Variants in NR6A1 observed in about 807,000 individuals in gnomAD.
NR6A1 encodes the protein retinoic acid receptor-related testis-associated receptor.
A neutral mutation model predicts 59.1 loss-of-function variants in NR6A1; 7 were observed. That is an observed-to-expected ratio of 0.12 (90% CI 0.07 to 0.22). NR6A1 has a LOEUF of 0.22. Ranked by LOEUF, NR6A1 falls within the 10% of genes least tolerant of loss-of-function variation. The pLI is 1.00. For synonymous variants in NR6A1, 243 were observed against 236.1 expected (o/e 1.03, Z -0.27); for missense variants, 468 against 611.6 (o/e 0.77, Z 2.48).
chr9:124,657,439 ATGAT>A (rs1837292690), intron 2 of NR6A1, among the ~76,000 whole-genome samples: 1 of 152,232 alleles, frequency 6.6e-6, no homozygotes, highest in Non-Finnish European at 1.5e-5. Context: ...ACGGAAAAAA[ATGAT>A]TGGTCCATGT....
chr9:124,723,554 T>TA (rs1839625352), intron 2 of NR6A1, among the ~76,000 whole-genome samples: 2 of 152,226 alleles, frequency 1.3e-5, no homozygotes, highest in South Asian at 4.1e-4. Flanking sequence ...AGCAGTAACT[T>TA]ACACCTGCCA....
chr9:124,632,060 G>C (rs771461733), intron 2 of NR6A1, among the ~76,000 whole-genome samples: 1 of 152,076 alleles, frequency 6.6e-6, no homozygotes, highest in African/African-American at 2.4e-5. Flanking sequence ...TCTTTACCTA[G>C]CCTATCATTG....
intron 1 of NR6A1, among the ~76,000 whole-genome samples, chr9:124,754,557 TG>T (rs1389499581): frequency 2.6e-5 from 4 of 151,816 alleles, no homozygotes; most frequent in Non-Finnish European, 5.9e-5. Flanking sequence ...CTGCAGGGCA[TG>T]GGGGAGAAAT....
intron 2 of NR6A1, among the ~76,000 whole-genome samples, chr9:124,661,933 C>T (rs1371840932): frequency 1.3e-5 from 2 of 152,294 alleles, no homozygotes; most frequent in South Asian, 2.1e-4. Context: ...CTGGACAGTG[C>T]TGATCTGGGC....
chr9:124,592,182 A>C (rs1164328479), intron 2 of NR6A1, among the ~76,000 whole-genome samples: 1 of 152,202 alleles, frequency 6.6e-6, no homozygotes, highest in Non-Finnish European at 1.5e-5. Flanking sequence ...AAATGACAAA[A>C]GCAATGGGCC....
intron 2 of NR6A1, among the ~76,000 whole-genome samples, chr9:124,612,996 A>G (rs1300872925): frequency 6.6e-6 from 1 of 152,184 alleles, no homozygotes; most frequent in Non-Finnish European, 1.5e-5. Flanking sequence ...CTTGTGCAGG[A>G]GTGAGAAGAT....
intron 1 of NR6A1, among the ~76,000 whole-genome samples, chr9:124,766,621 T>C (rs149182602): frequency 1.3e-5 from 2 of 152,174 alleles, no homozygotes; most frequent in East Asian, 3.8e-4. Context: ...CTAAAACACA[T>C]CTTCTCAAGT....
chr9:124,690,362 G>A (rs1162473890), intron 2 of NR6A1, among the ~76,000 whole-genome samples: 1 of 152,012 alleles, frequency 6.6e-6, no homozygotes, highest in Non-Finnish European at 1.5e-5. Context: ...GGAGACATGT[G>A]GGTTTCAATA....
intron 3 of NR6A1, among the ~76,000 whole-genome samples, chr9:124,550,423 A>T (rs1318338166): frequency 1.4e-5 from 2 of 143,394 alleles, no homozygotes; most frequent in Admixed American, 7.2e-5. Context: ...GGTGGAGTAC[A>T]ATGGCATGAT....
chr9:124,545,628 T>C (rs1833573803), intron 3 of NR6A1, among the ~76,000 whole-genome samples: 2 of 152,242 alleles, frequency 1.3e-5, no homozygotes, highest in Non-Finnish European at 2.9e-5. Flanking sequence ...ACATCTCACA[T>C]GTCTTTATTT....
chr9:124,535,488 G>A (rs1220778533), intron 7 of NR6A1, among the ~76,000 whole-genome samples: 1 of 152,118 alleles, frequency 6.6e-6, no homozygotes, highest in Non-Finnish European at 1.5e-5. Context: ...TGAGGCAGGA[G>A]AATCACTTGA....
At chr9:124,652,801 C>G (rs564892978) in intron 2 of NR6A1, among the ~76,000 whole-genome samples, 1 of 152,244 alleles carries the variant, frequency 6.6e-6, no homozygotes, top group Non-Finnish European at 1.5e-5. Context: ...TTTAAAAAGC[C>G]AAGATTAGCT....
intron 2 of NR6A1, among the ~76,000 whole-genome samples, chr9:124,597,082 C>T (rs1835293163): frequency 6.6e-6 from 1 of 152,144 alleles, no homozygotes; most frequent in African/African-American, 2.4e-5. Flanking sequence ...AACTGAATGG[C>T]AAATATTGCT....
intron 2 of NR6A1, among the ~76,000 whole-genome samples, chr9:124,612,275 G>A (rs1588709024): frequency 6.6e-6 from 1 of 152,034 alleles, no homozygotes; most frequent in East Asian, 1.9e-4. Flanking sequence ...AGATTCCCAG[G>A]AGCAACCTTC....
intron 1 of NR6A1, among the ~76,000 whole-genome samples, chr9:124,748,406 G>T (rs934724691): frequency 6.6e-6 from 1 of 152,148 alleles, no homozygotes; most frequent in Non-Finnish European, 1.5e-5. Context: ...AAACTAGAAG[G>T]ATAAACTATA....
At chr9:124,707,515 GT>G (rs199653224) in intron 2 of NR6A1, among the ~76,000 whole-genome samples, 5,723 of 140,988 alleles carry the variant, frequency 0.041, 206 homozygotes, top group East Asian at 0.15. Context: ...AGTTTCTACT[GT>G]TTTTTTTTTT....
At chr9:124,688,977 G>A (rs1357879640) in intron 2 of NR6A1, among the ~76,000 whole-genome samples, 1 of 152,208 alleles carries the variant, frequency 6.6e-6, no homozygotes, top group African/African-American at 2.4e-5. Flanking sequence ...AAACTAAAAC[G>A]TTATGGGAAA....
At chr9:124,764,596 T>G (rs1287561289) in intron 1 of NR6A1, among the ~76,000 whole-genome samples, 2 of 152,200 alleles carry the variant, frequency 1.3e-5, no homozygotes, top group Non-Finnish European at 2.9e-5. Context: ...TCTCAAAATA[T>G]GAATCTTGAG....
chr9:124,717,939 T>C (rs770827771), intron 2 of NR6A1, among the ~76,000 whole-genome samples: 1 of 152,178 alleles, frequency 6.6e-6, no homozygotes, highest in Non-Finnish European at 1.5e-5. Context: ...TCATCAAATA[T>C]TAACAAAAAG....
Sources: allele counts gnomAD v4.1 joint callset (sites outside exome capture counted in the v4.1 genomes callset), GRCh38; gene constraint gnomAD v4.1.1; transcripts MANE v1.5; gene names NCBI Gene and HGNC (gene_info 2026-07-23, HGNC 2026-07-21).